The following PDE1C variants were observed in gnomAD, a reference collection of about 807,000 sequenced individuals.
PDE1C encodes the protein dual specificity calcium/calmodulin-dependent 3',5'-cyclic nucleotide phosphodiesterase 1C.
In PDE1C, 62 loss-of-function variants were observed where a neutral mutation model predicts 93.1. That is an observed-to-expected ratio of 0.67 (90% CI 0.54 to 0.82). PDE1C has a LOEUF of 0.82. PDE1C is among the 40% of genes least tolerant of loss of function. The pLI is 0.00. For synonymous variants in PDE1C, 325 were observed against 310.1 expected, an observed-to-expected ratio of 1.05 and a Z score of -0.50; for missense variants, 742 against 884.6, an observed-to-expected ratio of 0.84 and a Z score of 2.04.
intron 2 of PDE1C, among the ~76,000 whole-genome samples, chr7:31,990,190 A>T (rs936168599): frequency 2.0e-5 from 3 of 152,172 alleles, no homozygotes; most frequent in African/African-American, 4.8e-5. Context: ...GAATTGTAAT[A>T]ATTCTGATGT....
intron 1 of PDE1C, among the ~76,000 whole-genome samples, chr7:32,233,871 C>T (rs1807883961): frequency 6.6e-6 from 1 of 151,968 alleles, no homozygotes; most frequent in Admixed American, 6.6e-5. Flanking sequence ...CAGAACAGAA[C>T]ATTCATCACG....
the PDE1C span, among the ~76,000 whole-genome samples, chr7:31,647,714 GATGACGACA>G: frequency 3.0e-4 from 44 of 148,004 alleles, no homozygotes; most frequent in African/African-American, 1.0e-3. Context: ...AGAAGAAGAC[GATGACGACA>G]ACGACGACGA....
At chr7:31,969,889 A>C (rs1261926242) in intron 2 of PDE1C, among the ~76,000 whole-genome samples, 4 of 152,156 alleles carry the variant, frequency 2.6e-5, no homozygotes, top group Non-Finnish European at 5.9e-5. Context: ...AACTATCGCA[A>C]GGACAAAAAA....
intron 7 of PDE1C, among the ~76,000 whole-genome samples, chr7:31,862,597 G>A (rs954845681): frequency 5.9e-5 from 9 of 152,164 alleles, no homozygotes; most frequent in African/African-American, 2.2e-4. Context: ...CATGGCAGAA[G>A]AGGGAAGGGA....
chr7:31,714,315 T>A, the PDE1C span, among the ~76,000 whole-genome samples: 8 of 152,196 alleles, frequency 5.3e-5, no homozygotes, highest in African/African-American at 1.9e-4. Context: ...CCCAACTAGT[T>A]CCTCATCTCC....
intron 1 of PDE1C, among the ~76,000 whole-genome samples, chr7:32,375,134 T>C (rs577389740): frequency 3.3e-4 from 51 of 152,306 alleles, no homozygotes; most frequent in Non-Finnish European, 5.6e-4. Context: ...TGTTACCTCC[T>C]CTGGGCTCAC....
intron 1 of PDE1C, among the ~76,000 whole-genome samples, chr7:32,333,621 G>A (rs548375413): frequency 4.6e-5 from 7 of 152,200 alleles, no homozygotes; most frequent in African/African-American, 1.2e-4. Context: ...TTAACCCACC[G>A]TTTATCTATG....
upstream of PDE1C, among the ~76,000 whole-genome samples, chr7:32,303,954 A>G (rs560103514): frequency 2.6e-5 from 4 of 152,330 alleles, no homozygotes; most frequent in East Asian, 7.7e-4. Flanking sequence ...GGAGAATTTT[A>G]TCATAGCCTT....
intron 2 of PDE1C, among the ~76,000 whole-genome samples, chr7:31,901,832 T>C (rs891403499): frequency 1.3e-5 from 2 of 151,714 alleles, no homozygotes; most frequent in Non-Finnish European, 3.0e-5. Flanking sequence ...ATAGGACTTA[T>C]ATATGATAAA....
chr7:31,944,203 A>G (rs887219289), intron 2 of PDE1C, among the ~76,000 whole-genome samples: 4 of 152,170 alleles, frequency 2.6e-5, no homozygotes, highest in Non-Finnish European at 5.9e-5. Context: ...GAGTTCTTTC[A>G]GGGTCGTCCT....
At chr7:31,963,291 G>A (rs141293301) in intron 2 of PDE1C, among the ~76,000 whole-genome samples, 14 of 152,052 alleles carry the variant, frequency 9.2e-5, no homozygotes, top group Non-Finnish European at 1.6e-4. Context: ...AACACCAAAC[G>A]TTATGCTGAA....
chr7:32,192,639 T>TC (rs1220271214), intron 2 of PDE1C, among the ~76,000 whole-genome samples: 7 of 152,108 alleles, frequency 4.6e-5, no homozygotes, highest in Non-Finnish European at 1.5e-5. Context: ...CACTTTTTTT[T>TC]CTTTTTAAAA....
chr7:31,627,410 C>T, the PDE1C span, among the ~76,000 whole-genome samples: 6 of 152,106 alleles, frequency 3.9e-5, no homozygotes, highest in Admixed American at 6.5e-5. Flanking sequence ...ATAATCCCAG[C>T]TCTTTGGGAG....
intron 17 of PDE1C, among the ~76,000 whole-genome samples, chr7:31,768,742 T>C (rs962525799): frequency 6.6e-6 from 1 of 152,152 alleles, no homozygotes. Flanking sequence ...CCCTAATTCC[T>C]GTGTCTCATA....
intron 1 of PDE1C, among the ~76,000 whole-genome samples, chr7:32,360,993 G>A (rs181204262): frequency 3.0e-4 from 46 of 152,314 alleles, no homozygotes; most frequent in African/African-American, 1.1e-3. Flanking sequence ...ATCGTAGGAA[G>A]GAGGTATTAG....
At position 32,298,070 on chromosome 7, in the gene PDE1C, T is replaced by C. The variant is rs961331994; in HGVS notation, c.85+581A>G. ...TCTCTCTCTCTCTCTCTCTCCCCTC[T>C]CTCTCTGAATTCCCCGGTCTCTGTC... On this transcript the variant is annotated intron_variant, in intron 1 of 18. Coordinates refer to the PDE1C transcript ENST00000396193. 1.0e-4 allele frequency among the ~76,000 whole-genome samples: 12 copies of C among 118,066 alleles called. 1 individual carries two copies. Among genetic ancestry groups the C allele is most frequent in the Non-Finnish European group, 1.8e-4 (10 of 57,078 alleles). 77.5% of individuals were successfully genotyped at this position (118,066 alleles called of 152,430 possible).
chr7:32,414,264 G>A (rs1387541400), intron 1 of PDE1C, among the ~76,000 whole-genome samples: 1 of 150,386 alleles, frequency 6.6e-6, no homozygotes, highest in Admixed American at 6.6e-5. Context: ...GGGTAGAGGG[G>A]TAAATTATAC....
chr7:31,654,690 G>A, the PDE1C span, among the ~76,000 whole-genome samples: 2 of 152,162 alleles, frequency 1.3e-5, no homozygotes, highest in Admixed American at 1.3e-4. Context: ...GAGGCACTGG[G>A]TCTCTAAGGA....
chr7:32,062,673 C>G (rs899093479), intron 1 of PDE1C, among the ~76,000 whole-genome samples: 1 of 152,268 alleles, frequency 6.6e-6, no homozygotes, highest in African/African-American at 2.4e-5. Context: ...CTCGTCACAG[C>G]AGGTAGTAAT....
Sources: allele counts gnomAD v4.1 joint callset (sites outside exome capture counted in the v4.1 genomes callset), GRCh38; gene constraint gnomAD v4.1.1; transcripts MANE v1.5; gene names NCBI Gene and HGNC (gene_info 2026-07-23, HGNC 2026-07-21).